Variants in METTL25 observed in about 807,000 individuals in gnomAD.
METTL25 encodes the protein probable methyltransferase-like protein 25.
A neutral mutation model predicts 71.6 loss-of-function variants in METTL25; 64 were observed. That is an observed-to-expected ratio of 0.89 (90% CI 0.73 to 1.10). The LOEUF is 1.10. Ranked by LOEUF, METTL25 falls within the 50% of genes least tolerant of loss-of-function variation. The pLI, the probability that METTL25 is intolerant of heterozygous loss-of-function variation, is 0.00. For missense variants in METTL25, 807 were observed against 707.0 expected, an observed-to-expected ratio of 1.14 and a Z score of -1.60; for synonymous variants, 287 against 250.3, an observed-to-expected ratio of 1.15 and a Z score of -1.38.
At chr12:82,443,231 C>G (rs953784851) in intron 8 of METTL25, among the ~76,000 whole-genome samples, 2 of 151,548 alleles carry the variant, frequency 1.3e-5, no homozygotes, top group African/African-American at 4.8e-5. Flanking sequence ...GTTCTAGACA[C>G]GTAAGAGTAA....
At chr12:82,380,386 A>C (rs993562797) in intron 1 of METTL25, among the ~76,000 whole-genome samples, 4 of 152,192 alleles carry the variant, frequency 2.6e-5, no homozygotes, top group Admixed American at 6.5e-5. Flanking sequence ...CCTATGTAAC[A>C]AACCTGCACA....
intron 8 of METTL25, among the ~76,000 whole-genome samples, chr12:82,452,806 T>C (rs1648803554): frequency 6.6e-6 from 1 of 152,112 alleles, no homozygotes; most frequent in South Asian, 2.1e-4. Flanking sequence ...TCTGAAAAAG[T>C]CCCTTTTTTC....
chr12:82,425,167 C>T (rs1233286276), intron 5 of METTL25, among the ~76,000 whole-genome samples: 2 of 152,036 alleles, frequency 1.3e-5, no homozygotes, highest in Non-Finnish European at 2.9e-5. Context: ...AGGGTGCTCA[C>T]AGACTAATTT....
chr12:82,471,163 A>G (rs930225987), intron 9 of METTL25, among the ~76,000 whole-genome samples: 2 of 152,190 alleles, frequency 1.3e-5, no homozygotes, highest in African/African-American at 4.8e-5. Context: ...TATTTTTTTC[A>G]TACTACAGTG....
intron 5 of METTL25, among the ~76,000 whole-genome samples, chr12:82,425,213 T>C (rs368343665): frequency 6.6e-5 from 10 of 152,088 alleles, no homozygotes; most frequent in African/African-American, 1.9e-4. Flanking sequence ...GCCCACCTTG[T>C]GCTTTAAAAA....
chr12:82,385,510 T>G (rs111346101), intron 1 of METTL25, among the ~76,000 whole-genome samples: 1 of 152,168 alleles, frequency 6.6e-6, no homozygotes, highest in African/African-American at 2.4e-5. Flanking sequence ...TTATTCAAAA[T>G]TAATTTTCAA....
intron 8 of METTL25, among the ~76,000 whole-genome samples, chr12:82,442,602 G>A (rs181537341): frequency 2.6e-5 from 4 of 152,192 alleles, no homozygotes; most frequent in African/African-American, 4.8e-5. Flanking sequence ...AGTGCATATG[G>A]CTGTAAAACA....
chr12:82,393,285 G>A (rs1885766978), intron 3 of METTL25, among the ~76,000 whole-genome samples: 1 of 151,742 alleles, frequency 6.6e-6, no homozygotes, highest in Non-Finnish European at 1.5e-5. Flanking sequence ...CAGTTTTTTT[G>A]TGTCCTCATC....
intron 5 of METTL25, among the ~76,000 whole-genome samples, chr12:82,425,073 G>A (rs1246133634): frequency 1.3e-5 from 2 of 151,984 alleles, no homozygotes. Context: ...GTGTATTACG[G>A]TATAGATAAG....
At chr12:82,371,230 T>G (rs987185927) in intron 1 of METTL25, among the ~76,000 whole-genome samples, 4 of 152,130 alleles carry the variant, frequency 2.6e-5, no homozygotes, top group African/African-American at 9.7e-5. Context: ...TGGCCCTCAA[T>G]TGTTAAAAGT....
At chr12:82,417,376 C>A (rs1565846710) in intron 5 of METTL25, among the ~76,000 whole-genome samples, 1 of 152,076 alleles carries the variant, frequency 6.6e-6, no homozygotes, top group Non-Finnish European at 1.5e-5. Context: ...ACATTTATTT[C>A]TATGTTTACC....
chr12:82,358,550 T>G lies in METTL25; in HGVS notation c.-16T>G. 1 of 1,607,596 alleles carries G rather than the reference T, an allele frequency of 6.2e-7. No homozygotes were observed. Among genetic ancestry groups the G allele is most frequent in the Non-Finnish European group, 8.5e-7 (1 of 1,178,802 alleles). On this transcript the variant is annotated 5_prime_UTR_variant, in exon 1 of 12. Transcript: ENST00000248306. ...GGCCATGTTTGCGCCACCTACAGCC[T>G]CGGAGGGTGAGCGTCATGGCGGCTT...
At chr12:82,402,875 A>G in intron 4 of METTL25, 108 bp from the exon 5 acceptor site, 1 of 750,308 alleles carries the variant, frequency 1.3e-6, no homozygotes, top group South Asian at 2.1e-5. Context: ...TAGCCACCAC[A>G]GTGCAGCCTG....
At chr12:82,402,359 T>TCCC (rs1886704888) in intron 4 of METTL25, among the ~76,000 whole-genome samples, 1 of 152,100 alleles carries the variant, frequency 6.6e-6, no homozygotes, top group Non-Finnish European at 1.5e-5. Context: ...AAAATTAATA[T>TCCC]TATGGTCAAA....
At chr12:82,381,653 C>T (rs1234531309) in intron 1 of METTL25, among the ~76,000 whole-genome samples, 1 of 152,214 alleles carries the variant, frequency 6.6e-6, no homozygotes. Context: ...AAACTTAACT[C>T]ATCCCATCTT....
intron 9 of METTL25, among the ~76,000 whole-genome samples, chr12:82,463,919 T>G (rs1892066592): frequency 6.6e-6 from 1 of 151,996 alleles, no homozygotes; most frequent in Non-Finnish European, 1.5e-5. Flanking sequence ...ATTTGCCCAT[T>G]TTTTCCTTGG....
chr12:82,425,987 T>C (rs1888980804), intron 5 of METTL25, among the ~76,000 whole-genome samples: 1 of 152,030 alleles, frequency 6.6e-6, no homozygotes, highest in African/African-American at 2.4e-5. Context: ...GGGAAAGCAA[T>C]TTGATTCACT....
intron 5 of METTL25, among the ~76,000 whole-genome samples, chr12:82,424,777 T>C (rs1488195163): frequency 1.3e-5 from 2 of 152,036 alleles, no homozygotes; most frequent in African/African-American, 4.8e-5. Context: ...AATCTAATGA[T>C]TGATATCCTA....
chr12:82,467,938 G>T (rs1180951440), intron 9 of METTL25, among the ~76,000 whole-genome samples: 1 of 151,658 alleles, frequency 6.6e-6, no homozygotes, highest in Non-Finnish European at 1.5e-5. Context: ...TTGCTTGGTG[G>T]TCTTAAGGGT....
Sources: gnomAD v4.1 joint callset for allele counts (sites outside exome capture counted in the v4.1 genomes callset) on GRCh38, gnomAD v4.1.1 for gene constraint, MANE v1.5 for transcripts, NCBI Gene and HGNC (gene_info 2026-07-23, HGNC 2026-07-21) for gene names.